Variants in TBC1D23 observed in about 807,000 individuals in gnomAD.
The protein encoded by TBC1D23 is TBC1 domain family member 23.
TBC1D23 carries 55 observed loss-of-function variants against 91.4 expected under a neutral mutation model. That is an observed-to-expected ratio of 0.60 (90% CI 0.48 to 0.75). The LOEUF is 0.75. Ranked by LOEUF, TBC1D23 falls within the 30% of genes least tolerant of loss-of-function variation. The pLI is 0.00. For missense variants in TBC1D23, 725 were observed against 836.1 expected (o/e 0.87, Z 1.64); for synonymous variants, 289 against 281.0 (o/e 1.03, Z -0.28).
chr3:100,266,561 A>G (rs955050272), intron 1 of TBC1D23, among the ~76,000 whole-genome samples: 1 of 152,180 alleles, frequency 6.6e-6, no homozygotes, highest in Admixed American at 6.5e-5. Context: ...GAGCCACTGC[A>G]CCCAGCCTAA....
rs917340337 is a variant in TBC1D23, at chr3:100,267,245, G to A, written c.53+6174G>A. Reference sequence around the variant, plus strand: ...AAATATTGAGAATTACAGATGGAAAGCAGGTAAGTACCTTCCATTAAGCTC... The same window carrying A: ...AAATATTGAGAATTACAGATGGAAAACAGGTAAGTACCTTCCATTAAGCTC... On this transcript the variant is annotated intron_variant, in intron 1 of 18. Coordinates refer to ENST00000394144, the MANE Select transcript of TBC1D23 (RefSeq NM_001199198.3). 17 of 451,666 alleles carry A rather than the reference G, an allele frequency of 3.8e-5. No homozygotes were observed. In the East Asian group the frequency reaches 1.1e-3, roughly 30 times the overall value. 28.0% of individuals were successfully genotyped at this position (451,666 alleles called of 1,614,324 possible).
rs1004469547 is a variant in TBC1D23, at chr3:100,324,697, C to G, written c.*1029C>G. The G allele has an allele frequency of 6.6e-6, 1 of 152,190 alleles. No homozygotes were observed. The highest frequency in any genetic ancestry group is 2.4e-5 in the African/African-American group (1 of 41,448). 9.4% of individuals were successfully genotyped at this position (152,190 alleles called of 1,614,324 possible). A position where few individuals can be genotyped will look rare whatever the true frequency, so the allele number is the denominator to read the frequency against. On this transcript the variant is annotated 3_prime_UTR_variant, in exon 19 of 19. Coordinates refer to ENST00000394144, the MANE Select transcript of TBC1D23 (RefSeq NM_001199198.3). Reference sequence around the variant, plus strand: ...TTGTCTTAATGTACTGAAAATTGCTCTGCTGTATTTTGCAGCGTTCTTCAT... The same window carrying G: ...TTGTCTTAATGTACTGAAAATTGCTGTGCTGTATTTTGCAGCGTTCTTCAT...
At position 100,324,730 on chromosome 3, in the gene TBC1D23, A is replaced by T. The variant is rs996064643; in HGVS notation, c.*1062A>T. ...TTTTGCAGCGTTCTTCATTTAATTTATAATGGTCCATATTAGACACATTTG... is the reference window on the plus strand; with the variant it reads ...TTTTGCAGCGTTCTTCATTTAATTTTTAATGGTCCATATTAGACACATTTG... On this transcript the variant is annotated 3_prime_UTR_variant, in exon 19 of 19. Coordinates refer to ENST00000394144, the MANE Select transcript of TBC1D23 (RefSeq NM_001199198.3). 1 of 152,238 alleles carries T rather than the reference A, an allele frequency of 6.6e-6. No homozygotes were observed. Among genetic ancestry groups the T allele is most frequent in the Non-Finnish European group, 1.5e-5 (1 of 68,038 alleles). The allele number at this position is 152,238 out of a possible 1,614,324, so 9.4% of individuals were successfully genotyped here.
At chr3:100,279,272 A>C (rs576067533) in intron 1 of TBC1D23, among the ~76,000 whole-genome samples, 41 of 152,312 alleles carry the variant, frequency 2.7e-4, no homozygotes, top group African/African-American at 9.1e-4. Flanking sequence ...GATTGTTATG[A>C]GGATTAAAAA....
At chr3:100,283,480 A>C in intron 3 of TBC1D23, 127 bp from the exon 4 acceptor site, 1 of 623,364 alleles carries the variant, frequency 1.6e-6, no homozygotes, top group Non-Finnish European at 2.8e-6. Context: ...ATATACTTTC[A>C]TGTAGTTTCA....
Position 100,311,867 on chromosome 3 carries a change from T to G in TBC1D23, c.1588T>G (p.Cys530Gly), listed in dbSNP as rs539599449. Residue 530 changes from cysteine to glycine, a missense_variant, in exon 15 of 19, where the codon TGT (cysteine) becomes GGT (glycine). Transcript: ENST00000394144. ...CAATCTTCCTTGGCCAGACAGATCA[T>G]GTACAGAGCGGTAAGCCAATGAGTA... is the stretch of plus-strand genomic sequence containing the variant. ...SFNLPWPDRS[C>G]TERHVSSSDR... 1 of 1,534,932 alleles carries G rather than the reference T, an allele frequency of 6.5e-7. No homozygotes were observed. The highest frequency in any genetic ancestry group is 1.4e-5 in the African/African-American group (1 of 73,106).
At chr3:100,318,051 A>G (rs572644104) in intron 16 of TBC1D23, among the ~76,000 whole-genome samples, 67 of 152,076 alleles carry the variant, frequency 4.4e-4, no homozygotes, top group Non-Finnish European at 8.4e-4. Context: ...TATGGAACTG[A>G]TAACACCAAA....
At chr3:100,318,364 C>A (rs1321154898) in intron 16 of TBC1D23, among the ~76,000 whole-genome samples, 1 of 151,064 alleles carries the variant, frequency 6.6e-6, no homozygotes, top group African/African-American at 2.4e-5. Flanking sequence ...TCCTTAAAAT[C>A]AAAAAAGCAG....
intron 15 of TBC1D23, among the ~76,000 whole-genome samples, chr3:100,315,291 T>C (rs1404292842): frequency 1.3e-5 from 2 of 150,292 alleles, no homozygotes; most frequent in Non-Finnish European, 2.9e-5. Flanking sequence ...GCCTCCAGAG[T>C]AGCTGGAATT....
chr3:100,276,778 C>T (rs1450298932), intron 1 of TBC1D23, among the ~76,000 whole-genome samples: 1 of 152,144 alleles, frequency 6.6e-6, no homozygotes, highest in African/African-American at 2.4e-5. Flanking sequence ...ATGACAGGAA[C>T]CTGTAGTATT....
At chr3:100,293,621 GT>G (rs1355752550) in intron 5 of TBC1D23, among the ~76,000 whole-genome samples, 1 of 152,200 alleles carries the variant, frequency 6.6e-6, no homozygotes, top group African/African-American at 2.4e-5. Flanking sequence ...CTTCTAATCT[GT>G]GTTTGTAATC....
chr3:100,292,453 T>A (rs940126954), intron 5 of TBC1D23, among the ~76,000 whole-genome samples: 1 of 152,238 alleles, frequency 6.6e-6, no homozygotes, highest in African/African-American at 2.4e-5. Context: ...ATAATAGTAC[T>A]GTACCTACTT....
At chr3:100,309,273 G>A (rs1454947112) in intron 13 of TBC1D23, among the ~76,000 whole-genome samples, 1 of 152,130 alleles carries the variant, frequency 6.6e-6, no homozygotes. Context: ...GGCCTAAGTG[G>A]CAATGTCTTT....
Position 100,299,284 on chromosome 3 carries a change from T to G in TBC1D23, c.1045T>G (p.Tyr349Asp). 6.2e-7 allele frequency: 1 copy of G among 1,613,062 alleles called. No homozygotes were observed. Among genetic ancestry groups the G allele is most frequent in the Non-Finnish European group, 8.5e-7 (1 of 1,179,238 alleles). ...GGTGGATTGCCGTCCTGCAGAACAATATAATGCTGGGCATTTATCAACTGC... is the reference window on the plus strand; with the variant it reads ...GGTGGATTGCCGTCCTGCAGAACAAGATAATGCTGGGCATTTATCAACTGC... ...FVVDCRPAEQ[Y>D]NAGHLSTAFH... is the part of the protein sequence containing the mutation. Residue 349 changes from tyrosine (Y) to aspartate (D), a missense_variant, in exon 10 of 19, where the codon TAT becomes GAT. Transcript: ENST00000394144.
At chr3:100,263,004 T>A (rs1040139209) in intron 1 of TBC1D23, among the ~76,000 whole-genome samples, 3 of 152,186 alleles carry the variant, frequency 2.0e-5, no homozygotes, top group African/African-American at 7.2e-5. Flanking sequence ...ATGGAGTAAC[T>A]TTCATGCGCG....
chr3:100,285,423 CT>C (rs1353012249), intron 4 of TBC1D23, among the ~76,000 whole-genome samples: 3 of 152,032 alleles, frequency 2.0e-5, no homozygotes, highest in Non-Finnish European at 4.4e-5. Context: ...TATTTCATTT[CT>C]TTTTTTGCCA....
At chr3:100,262,904 T>C (rs558595779) in intron 1 of TBC1D23, among the ~76,000 whole-genome samples, 1 of 152,202 alleles carries the variant, frequency 6.6e-6, no homozygotes, top group South Asian at 2.1e-4. Flanking sequence ...CAATTTGGTC[T>C]AGCCACATTT....
At chr3:100,295,258 C>T (rs201869314) in intron 6 of TBC1D23, 44 bp from the exon 7 acceptor site, 752 of 1,602,310 alleles carry the variant, frequency 4.7e-4, no homozygotes, top group Admixed American at 6.8e-4. Flanking sequence ...TCTCAGGGTG[C>T]TCTGTTAATA....
intron 10 of TBC1D23, among the ~76,000 whole-genome samples, chr3:100,300,440 T>C (rs1705403761): frequency 6.6e-6 from 1 of 152,108 alleles, no homozygotes; most frequent in South Asian, 2.1e-4. Flanking sequence ...TCTTCCTTGA[T>C]TCCTCTCTCC....
Sources: allele counts gnomAD v4.1 joint callset (sites outside exome capture counted in the v4.1 genomes callset), GRCh38; gene constraint gnomAD v4.1.1; transcripts MANE v1.5; gene names NCBI Gene and HGNC (gene_info 2026-07-23, HGNC 2026-07-21).